The following POLQ variants were observed in gnomAD, a reference collection of about 807,000 sequenced individuals.
POLQ encodes the protein epididymis secretory sperm binding protein.
In POLQ, 233 loss-of-function variants were observed where a neutral mutation model predicts 259.2. That is an observed-to-expected ratio of 0.90 (90% CI 0.81 to 1.00). POLQ has a LOEUF of 1.00. POLQ is among the 50% of genes least tolerant of loss of function. The pLI is 0.00. For synonymous variants in POLQ, 1,025 were observed against 1,048.8 expected, an observed-to-expected ratio of 0.98 and a Z score of 0.44; for missense variants, 2,871 against 3,051.6, an observed-to-expected ratio of 0.94 and a Z score of 1.39.
intron 28 of POLQ, among the ~76,000 whole-genome samples, chr3:121,434,407 T>G (rs2047526254): frequency 6.6e-6 from 1 of 152,246 alleles, no homozygotes; most frequent in Non-Finnish European, 1.5e-5. Flanking sequence ...GTATCATATC[T>G]TCCTCTCCTT....
intron 18 of POLQ, 52 bp downstream of exon 18, chr3:121,483,334 T>G: frequency 9.9e-7 from 1 of 1,007,266 alleles, no homozygotes; most frequent in Non-Finnish European, 1.4e-6. Flanking sequence ...ATTTAAGAAT[T>G]AACACTAAAA....
In POLQ at chr3:121,496,895, C is replaced by T; in HGVS notation, c.2191G>A (p.Glu731Lys). The change falls in exon 14 of 30, where the codon GAA becomes AAA. Residue 731 changes from glutamate (E) to lysine (K), a missense_variant. Around this residue, in one of 3 missense-constraint regions of POLQ, gnomAD observed 783 missense variants for 906.2 expected, o/e 0.86. Transcript: ENST00000264233. ...TSLVLLDLISEVPLREINQKY... is the reference protein window; with the variant it reads ...TSLVLLDLISKVPLREINQKY... ...TGATTTATTTCCCTTAAGGGAACTTCACTGATTAAATCTAATAGCACAAGA... is the reference window on the plus strand; with the variant it reads ...TGATTTATTTCCCTTAAGGGAACTTTACTGATTAAATCTAATAGCACAAGA... 3 of 1,612,410 alleles carry T rather than the reference C, an allele frequency of 1.9e-6. No individual in the cohort carries two copies. The highest frequency in any genetic ancestry group is 1.3e-5 in the African/African-American group (1 of 75,004).
intron 10 of POLQ, among the ~76,000 whole-genome samples, chr3:121,510,967 C>G (rs1328798634): frequency 6.6e-6 from 1 of 152,164 alleles, no homozygotes; most frequent in Admixed American, 6.5e-5. Flanking sequence ...GTAGCTCACG[C>G]CCGTAATCCC....
chr3:121,539,325 T>A (rs2048472429), intron 4 of POLQ, 108 bp downstream of exon 4: 1 of 820,000 alleles, frequency 1.2e-6, no homozygotes, highest in Non-Finnish European at 1.9e-6. Flanking sequence ...CAGAAGTAGA[T>A]AATAGACAAT....
intron 9 of POLQ, 127 bp downstream of exon 9, chr3:121,519,744 T>C: frequency 3.0e-6 from 2 of 676,188 alleles, no homozygotes; most frequent in Admixed American, 4.7e-5. Context: ...TCCAAAATGA[T>C]GACACTAGTG....
At chr3:121,498,750 C>G in intron 12 of POLQ, 80 bp from the exon 13 acceptor site, 1 of 990,970 alleles carries the variant, frequency 1.0e-6, no homozygotes, top group Non-Finnish European at 1.5e-6. Context: ...ATATTAAAGA[C>G]AAAAGCCAGG....
chr3:121,433,574 A>C (rs1025413972), intron 28 of POLQ, among the ~76,000 whole-genome samples: 1 of 152,222 alleles, frequency 6.6e-6, no homozygotes, highest in Non-Finnish European at 1.5e-5. Flanking sequence ...CAGAGAGTAC[A>C]TAAACCCCTT....
rs540430129 is a variant in POLQ, at chr3:121,440,136, ATAAT to A, written c.7265-24_7265-21del. 2.8e-5 allele frequency: 45 copies of A among 1,587,670 alleles called. No homozygotes were observed. The African/African-American group carries it at 5.5e-4, about 19-fold the overall frequency. On this transcript the variant is annotated intron_variant, in intron 26 of 29. Transcript: ENST00000264233. ...TAATCCCTACAAAGAAAATACAGAAATAATTAATTAGAACCAAAGTCTATCCTTC... is the reference window on the plus strand; with the variant it reads ...TAATCCCTACAAAGAAAATACAGAAATAATTAGAACCAAAGTCTATCCTTC...
At chr3:121,524,193 A>G (rs574517280) in intron 7 of POLQ, among the ~76,000 whole-genome samples, 1 of 152,290 alleles carries the variant, frequency 6.6e-6, no homozygotes, top group African/African-American at 2.4e-5. Context: ...CCATGGTAAA[A>G]TGTAAGGAAA....
chr3:121,489,010 A>G lies in POLQ; in HGVS notation c.3921T>C (p.His1307=), dbSNP rs1379100182. 1 of 1,612,864 alleles carries G rather than the reference A, an allele frequency of 6.2e-7. No individual in the cohort carries two copies. The highest frequency in any genetic ancestry group is 2.2e-5 in the East Asian group (1 of 44,872). Residue 1307 remains histidine, a synonymous_variant, in exon 16 of 30, where the codon CAT becomes CAC. Transcript: ENST00000264233. ...TYTTNKTKNN[H]VSDLGLVLCD... is the part of the protein sequence containing the mutation. ...AGAGGACTAAACCTAAGTCAGAAAC[A>G]TGATTATTTTTAGTTTTGTTTGTTG...
chr3:121,483,576 C>T lies in POLQ; in HGVS notation c.5780G>A (p.Ser1927Asn). The change falls in exon 18 of 30, where the codon AGT (serine) becomes AAT (asparagine). Residue 1927 changes from serine (S) to asparagine (N), a missense_variant. This residue lies in a region of POLQ where 2,080 missense variants were observed against 2,126.0 expected (regional missense o/e 0.98). Coordinates refer to ENST00000264233, the MANE Select transcript of POLQ (RefSeq NM_199420.4). The part of the protein sequence containing the change: ...LQKEQKHSEI[S>N]ASLVPPSLDP... ...TAAAGAAGGTGGAACCAAACTGGCA[C>T]TAATTTCTTTAAAAAAAAAAAAAAA... 1.4e-6 allele frequency: 2 copies of T among 1,394,288 alleles called. No individual in the cohort carries two copies. Among genetic ancestry groups the T allele is most frequent in the Non-Finnish European group, 1.9e-6 (2 of 1,046,198 alleles). 86.4% of individuals were successfully genotyped at this position (1,394,288 alleles called of 1,614,324 possible). A position where few individuals can be genotyped will look rare whatever the true frequency, so the allele number is the denominator to read the frequency against.
At chr3:121,457,628 G>A (rs1432309892) in intron 25 of POLQ, among the ~76,000 whole-genome samples, 1 of 152,146 alleles carries the variant, frequency 6.6e-6, no homozygotes, top group African/African-American at 2.4e-5. Flanking sequence ...AAAGACACAT[G>A]AAAAAATGCT....
At chr3:121,479,788 A>G (rs1216642718) in intron 19 of POLQ, among the ~76,000 whole-genome samples, 1 of 152,176 alleles carries the variant, frequency 6.6e-6, no homozygotes, top group Non-Finnish European at 1.5e-5. Flanking sequence ...AAAAAAAATA[A>G]TTTGAGAAGT....
At chr3:121,476,477 C>CAG in intron 20 of POLQ, 63 bp downstream of exon 20, 1 of 1,231,230 alleles carries the variant, frequency 8.1e-7, no homozygotes, top group Non-Finnish European at 1.2e-6. Context: ...CACACACACA[C>CAG]ACACACACAA....
intron 9 of POLQ, among the ~76,000 whole-genome samples, chr3:121,515,234 C>T (rs2108810408): frequency 6.6e-6 from 1 of 152,200 alleles, no homozygotes; most frequent in Non-Finnish European, 1.5e-5. Context: ...ATGATCATAA[C>T]TCACTGAAGC....
At chr3:121,522,228 T>A in intron 7 of POLQ, 79 bp from the exon 8 acceptor site, 1 of 835,934 alleles carries the variant, frequency 1.2e-6, no homozygotes, top group Non-Finnish European at 1.7e-6. Flanking sequence ...ATAATAGAGC[T>A]AAATAGCAGG....
chr3:121,538,057 T>C (rs1354571037), intron 4 of POLQ, among the ~76,000 whole-genome samples: 3 of 152,192 alleles, frequency 2.0e-5, no homozygotes, highest in African/African-American at 7.2e-5. Flanking sequence ...CTCTTCTAAA[T>C]TGGCAACTTC....
intron 24 of POLQ, among the ~76,000 whole-genome samples, chr3:121,460,680 A>G (rs1369514903): frequency 6.6e-6 from 1 of 152,206 alleles, no homozygotes; most frequent in Non-Finnish European, 1.5e-5. Context: ...TTAATGAAAA[A>G]ACTGGTGTCC....
At chr3:121,505,237 C>A (rs1300787553) in intron 12 of POLQ, among the ~76,000 whole-genome samples, 1 of 152,220 alleles carries the variant, frequency 6.6e-6, no homozygotes, top group Non-Finnish European at 1.5e-5. Context: ...TGGAAGCTTT[C>A]TGAGGCCTCC....
Sources: gnomAD v4.1 joint callset for allele counts (sites outside exome capture counted in the v4.1 genomes callset) on GRCh38, gnomAD v4.1.1 for gene constraint, gnomAD v4.1.1 regional missense constraint, MANE v1.5 for transcripts, NCBI Gene and HGNC (gene_info 2026-07-23, HGNC 2026-07-21) for gene names.